Variants in SESTD1 observed in about 807,000 individuals in gnomAD.
SESTD1 encodes SEC14 and spectrin domain containing 1, also known as SEC14 domain and spectrin repeat-containing protein 1.
Under a neutral mutation model 101.7 loss-of-function variants are expected in SESTD1, and 43 were observed. The ratio of observed to expected loss-of-function variants is 0.42; its 90% CI spans 0.33 to 0.55. The LOEUF is 0.55. Ranked by LOEUF, SESTD1 falls within the 20% of genes least tolerant of loss-of-function variation. The pLI, the probability that SESTD1 is intolerant of heterozygous loss-of-function variation, is 0.07. For missense variants in SESTD1, 647 were observed against 815.1 expected, an observed-to-expected ratio of 0.79 and a Z score of 2.51; for synonymous variants, 283 against 286.8, an observed-to-expected ratio of 0.99 and a Z score of 0.13.
At chr2:179,249,527 T>C (rs561111008) in intron 1 of SESTD1, among the ~76,000 whole-genome samples, 30 of 152,222 alleles carry the variant, frequency 2.0e-4, no homozygotes, top group African/African-American at 4.1e-4. Context: ...CTATAAAACA[T>C]TGAGAGACAT....
At chr2:179,174,061 G>T (rs1219611933) in intron 4 of SESTD1, among the ~76,000 whole-genome samples, 1 of 152,092 alleles carries the variant, frequency 6.6e-6, no homozygotes, top group African/African-American at 2.4e-5. Context: ...TTTACCAGAG[G>T]GGCTGGAAAA....
chr2:179,120,601 C>T (rs965870328), intron 13 of SESTD1, among the ~76,000 whole-genome samples: 3 of 152,172 alleles, frequency 2.0e-5, no homozygotes, highest in African/African-American at 7.2e-5. Context: ...TCAGTTGTGC[C>T]TAACGCTAAT....
chr2:179,165,247 T>A (rs1184787370), intron 5 of SESTD1, among the ~76,000 whole-genome samples: 2 of 152,192 alleles, frequency 1.3e-5, no homozygotes, highest in East Asian at 1.9e-4. Flanking sequence ...CATATTGATA[T>A]AAGAAGTTTT....
intron 1 of SESTD1, among the ~76,000 whole-genome samples, chr2:179,201,538 G>A: frequency 7.5e-6 from 1 of 132,530 alleles, no homozygotes; most frequent in East Asian, 2.0e-4. Flanking sequence ...GTCCAACAAT[G>A]ATAGACTGGA....
At chr2:179,263,146 T>C (rs937601035) in intron 1 of SESTD1, among the ~76,000 whole-genome samples, 9 of 152,218 alleles carry the variant, frequency 5.9e-5, no homozygotes, top group Admixed American at 2.0e-4. Context: ...TATAGAGTTG[T>C]GAAATGCTTT....
intron 3 of SESTD1, among the ~76,000 whole-genome samples, chr2:179,177,938 G>A (rs1279619377): frequency 6.6e-6 from 1 of 152,124 alleles, no homozygotes; most frequent in African/African-American, 2.4e-5. Context: ...AGTAAAACAC[G>A]CCAGACACAA....
At chr2:179,114,864 C>G (rs1351748482) in intron 16 of SESTD1, among the ~76,000 whole-genome samples, 1 of 152,154 alleles carries the variant, frequency 6.6e-6, no homozygotes, top group African/African-American at 2.4e-5. Context: ...CCAATCATGG[C>G]TCTCCAGCAC....
At chr2:179,193,677 T>C (rs1013514576) in intron 1 of SESTD1, among the ~76,000 whole-genome samples, 1 of 152,240 alleles carries the variant, frequency 6.6e-6, no homozygotes, top group African/African-American at 2.4e-5. Context: ...GTAGGTACTA[T>C]TATTTTATTA....
rs552204186 is a variant in SESTD1, at chr2:179,151,319, T to G, written c.442A>C (p.Ser148Arg). Residue 148 changes from serine (S) to arginine (R), a missense_variant, in exon 6 of 18, where the codon AGT becomes CGT. Coordinates refer to ENST00000428443, the MANE Select transcript of SESTD1 (RefSeq NM_178123.5). ...CAGTCCATGTGATCATAGGTGAGAC[T>G]CCCACCAAAATCTTCTGTTAATTGG... ...PCQLTEDFGG[S>R]LTYDHMDWLN... is the part of the protein sequence containing the mutation. The G allele has an allele frequency of 1.2e-6, 2 of 1,609,008 alleles. No individual in the cohort carries two copies. Among genetic ancestry groups the G allele is most frequent in the Non-Finnish European group, 1.7e-6 (2 of 1,177,856 alleles).
chr2:179,220,695 A>G (rs2046802515), intron 1 of SESTD1, among the ~76,000 whole-genome samples: 1 of 152,096 alleles, frequency 6.6e-6, no homozygotes, highest in African/African-American at 2.4e-5. Flanking sequence ...AGCCACAATA[A>G]CTTCACAAAT....
At chr2:179,112,106 A>G (rs1280224049) in intron 17 of SESTD1, among the ~76,000 whole-genome samples, 2 of 152,212 alleles carry the variant, frequency 1.3e-5, no homozygotes, top group Non-Finnish European at 2.9e-5. Flanking sequence ...GAAAGGTGTA[A>G]GATAATCAGG....
intron 17 of SESTD1, among the ~76,000 whole-genome samples, chr2:179,110,755 A>G (rs896062909): frequency 2.0e-5 from 3 of 152,234 alleles, no homozygotes; most frequent in African/African-American, 7.2e-5. Context: ...TATACATGGC[A>G]TAAACAGATT....
intron 1 of SESTD1, among the ~76,000 whole-genome samples, chr2:179,221,670 C>T (rs906370573): frequency 6.7e-6 from 1 of 148,692 alleles, no homozygotes; most frequent in Non-Finnish European, 1.5e-5. Context: ...GTAATCTCAG[C>T]ACTTCGGAAG....
At chr2:179,188,194 TGATA>T (rs999549122) in intron 2 of SESTD1, among the ~76,000 whole-genome samples, 3 of 152,102 alleles carry the variant, frequency 2.0e-5, no homozygotes, top group African/African-American at 7.2e-5. Context: ...ATGCAAGTCT[TGATA>T]AATAAAAAAA....
chr2:179,149,259 T>C, intron 7 of SESTD1, 38 bp downstream of exon 7: 1 of 1,403,244 alleles, frequency 7.1e-7, no homozygotes, highest in African/African-American at 1.4e-5. Flanking sequence ...ATAATTATAG[T>C]TTTGCAAGGA....
intron 4 of SESTD1, among the ~76,000 whole-genome samples, chr2:179,175,107 GCTTA>G (rs1432913077): frequency 1.3e-5 from 2 of 152,118 alleles, no homozygotes; most frequent in African/African-American, 4.8e-5. Context: ...AAGGCCTGGG[GCTTA>G]CTTAGACTAT....
rs2154393286 is a variant in SESTD1 at position 179,101,922 on chromosome 2, A to G, written c.*7977T>C. ...TCAAATGTACTTAACTTCATTGGAC[A>G]AGGTATAAGGCTTGCCAATTTCCAA... On this transcript the variant is annotated 3_prime_UTR_variant, in exon 18 of 18. Coordinates refer to ENST00000428443, the MANE Select transcript of SESTD1 (RefSeq NM_178123.5). 1 of 152,314 alleles carries G rather than the reference A, an allele frequency of 6.6e-6. No individual in the cohort carries two copies. The highest frequency in any genetic ancestry group is 2.1e-4 in the South Asian group (1 of 4,832). The allele number at this position is 152,314 out of a possible 1,614,324, so 9.4% of individuals were successfully genotyped here.
rs532564631 is a variant in SESTD1, at chr2:179,105,274, A to G, written c.*4625T>C. The G allele has an allele frequency of 5.9e-5, 9 of 151,664 alleles. 1 individual carries two copies. Among genetic ancestry groups the G allele is most frequent in the African/African-American group, 1.9e-4 (8 of 41,298 alleles). The allele number at this position is 151,664 out of a possible 1,614,324, so 9.4% of individuals were successfully genotyped here. ...GTCGGTGCTCGCTCACTAATATCCA[A>G]TCCTAGTATGATTTTCTTTTACTTG... On this transcript the variant is annotated 3_prime_UTR_variant, in exon 18 of 18. Coordinates refer to ENST00000428443, the MANE Select transcript of SESTD1 (RefSeq NM_178123.5).
chr2:179,256,127 C>T (rs1678619363), intron 1 of SESTD1, among the ~76,000 whole-genome samples: 1 of 152,180 alleles, frequency 6.6e-6, no homozygotes, highest in Admixed American at 6.5e-5. Flanking sequence ...GTTTCCATAC[C>T]TGCTGACACA....
Sources: allele counts gnomAD v4.1 joint callset (sites outside exome capture counted in the v4.1 genomes callset), GRCh38; gene constraint gnomAD v4.1.1; transcripts MANE v1.5; gene names NCBI Gene and HGNC (gene_info 2026-07-23, HGNC 2026-07-21).